Variants in EFTUD2 observed in about 807,000 individuals in gnomAD.
EFTUD2 encodes elongation factor Tu GTP binding domain containing 2, also known as 116 kDa U5 small nuclear ribonucleoprotein component.
Under a neutral mutation model 114.3 loss-of-function variants are expected in EFTUD2, and 9 were observed. The observed-to-expected ratio is 0.08, with a 90% confidence interval of 0.05 to 0.14. The LOEUF (loss-of-function observed/expected upper bound fraction) is 0.14, where lower values mean the gene tolerates loss of function less well. Among genes scored for constraint, EFTUD2 ranks in the 10% least tolerant of loss-of-function variants. The pLI is 1.00. For missense variants in EFTUD2, 765 were observed against 1,241.2 expected, an observed-to-expected ratio of 0.62 and a Z score of 5.76; for synonymous variants, 449 against 462.3, an observed-to-expected ratio of 0.97 and a Z score of 0.37.
intron 1 of EFTUD2, chr17:44,895,783 C>G (rs1162709905): frequency 1.3e-5 from 2 of 152,202 alleles, no homozygotes; most frequent in African/African-American, 4.8e-5. Context: ...CTTTACAGAT[C>G]CCATTCAAGT....
At chr17:44,898,455 G>C (rs1179047875) in intron 1 of EFTUD2, among the ~76,000 whole-genome samples, 3 of 152,122 alleles carry the variant, frequency 2.0e-5, no homozygotes, top group Non-Finnish European at 2.9e-5. Context: ...CCTGACCTCA[G>C]GTGATCCGCC....
chr17:44,854,008 T>C lies in EFTUD2; in HGVS notation c.2347+261A>G. ...AATCTCATCATCCTCTTGATATCTCTTCTCAAATACGTCCAACGCCAAACC... is the reference window on the plus strand; with the variant it reads ...AATCTCATCATCCTCTTGATATCTCCTCTCAAATACGTCCAACGCCAAACC... On this transcript the variant is annotated intron_variant, in intron 23 of 27. Coordinates refer to ENST00000426333, the MANE Select transcript of EFTUD2 (RefSeq NM_004247.4). The surrounding 1 kb of genome is among the most constrained non-coding windows in gnomAD (Gnocchi z 4.3). 1 of 1,359,386 alleles carries C rather than the reference T, an allele frequency of 7.4e-7. No individual in the cohort carries two copies. The highest frequency in any genetic ancestry group is 2.8e-5 in the East Asian group (1 of 36,202). 84.2% of individuals were successfully genotyped at this position (1,359,386 alleles called of 1,614,324 possible).
At chr17:44,880,905 AG>A (rs889942614) in intron 7 of EFTUD2, among the ~76,000 whole-genome samples, 1 of 152,258 alleles carries the variant, frequency 6.6e-6, no homozygotes. Flanking sequence ...CAGAGAATCC[AG>A]GGTCCTAGAA....
chr17:44,873,732 CT>C lies in EFTUD2; in HGVS notation c.870-1163del, dbSNP rs1307223826. On this transcript the variant is annotated intron_variant, in intron 10 of 27. Transcript: ENST00000426333. ...AAGTTCAGCTCTATCCCACTTCCTA[CT>C]TTTTTTTTTTTTTTTTGAGATGGAG... Among the ~76,000 whole-genome samples, 524 of 133,212 alleles carry C rather than the reference CT, an allele frequency of 3.9e-3. 3 individuals carry two copies. The highest frequency in any genetic ancestry group is 8.0e-3 in the African/African-American group (292 of 36,426). The allele number at this position is 133,212 out of a possible 152,430, so 87.4% of individuals were successfully genotyped here. A position where few individuals can be genotyped will look rare whatever the true frequency, so the allele number is the denominator to read the frequency against.
Position 44,875,508 on chromosome 17 carries a change from C to T in EFTUD2, c.869+426G>A, listed in dbSNP as rs188154996. On this transcript the variant is annotated intron_variant, in intron 10 of 27. Coordinates refer to ENST00000426333, the MANE Select transcript of EFTUD2 (RefSeq NM_004247.4). ...TCATGCCACTGCACTCCAGCCTGGG[C>T]GACAGAGCGAGACTCCGTCTCAAAA... 8.7e-3 allele frequency: 1,319 copies of T among 152,074 alleles called. 20 individuals carry two copies. Among genetic ancestry groups the T allele is most frequent in the African/African-American group, 0.03 (1,233 of 41,470 alleles). 9.4% of individuals were successfully genotyped at this position (152,074 alleles called of 1,614,324 possible). A position where few individuals can be genotyped will look rare whatever the true frequency, so the allele number is the denominator to read the frequency against.
At chr17:44,867,381 C>A (rs2050766524) in intron 13 of EFTUD2, among the ~76,000 whole-genome samples, 1 of 148,186 alleles carries the variant, frequency 6.7e-6, no homozygotes, top group Non-Finnish European at 1.5e-5. Flanking sequence ...CTCACTGCAA[C>A]CTCTGCCTCC....
At chr17:44,865,525 G>A (rs533888769) in intron 13 of EFTUD2, among the ~76,000 whole-genome samples, 26 of 152,254 alleles carry the variant, frequency 1.7e-4, no homozygotes, top group Non-Finnish European at 3.2e-4. Context: ...TCTCTACTGA[G>A]GCAGGCTCTA....
At chr17:44,870,815 C>G (rs561327616) in intron 11 of EFTUD2, among the ~76,000 whole-genome samples, 1 of 151,950 alleles carries the variant, frequency 6.6e-6, no homozygotes, top group African/African-American at 2.4e-5. Flanking sequence ...GTCAGGAGTT[C>G]GAGACCAGCC....
intron 20 of EFTUD2, among the ~76,000 whole-genome samples, 181 bp downstream of exon 20, chr17:44,856,894 G>T (rs1048190274): frequency 1.1e-4 from 17 of 152,166 alleles, no homozygotes; most frequent in African/African-American, 3.1e-4. Context: ...CCATGTCATT[G>T]TGTTCAAAGG....
Position 44,850,204 on chromosome 17 carries a change from G to A in EFTUD2, c.*1070C>T. 4.5e-6 allele frequency: 3 copies of A among 659,718 alleles called. No homozygotes were observed. The highest frequency in any genetic ancestry group is 5.4e-5 in the East Asian group (2 of 36,780). The allele number at this position is 659,718 out of a possible 1,614,324, so 40.9% of individuals were successfully genotyped here. A position where few individuals can be genotyped will look rare whatever the true frequency, so the allele number is the denominator to read the frequency against. ...CTTGAAGCAGCTGTTGGGACCTGGG[G>A]CAGAAAGATGAGCGGGAAGCTGGAC... On this transcript the variant is annotated 3_prime_UTR_variant, in exon 28 of 28. Transcript: ENST00000426333.
chr17:44,889,005 G>C (rs1245664926), intron 2 of EFTUD2, among the ~76,000 whole-genome samples: 1 of 152,170 alleles, frequency 6.6e-6, no homozygotes, highest in Non-Finnish European at 1.5e-5. Context: ...CTGAGGAATG[G>C]AGCCCCGGGC....
rs556142274 is a variant in EFTUD2, at chr17:44,859,912, G to C, written c.1853C>G (p.Thr618Ser). ...TGCAGGCCATGGGCATACCTTGGTG[G>C]TGAGGGATGGATAGCTCTTGTTGAC... ...RKVNKSYPSLTTKVEESGEHV... is the reference protein window; with the variant it reads ...RKVNKSYPSLSTKVEESGEHV... The change falls in exon 18 of 28, where the codon ACC (threonine) becomes AGC (serine). Residue 618 changes from threonine to serine, a missense_variant. This residue lies in a region of EFTUD2 where 149 missense variants were observed against 245.1 expected (regional missense o/e 0.61). Coordinates refer to ENST00000426333, the MANE Select transcript of EFTUD2 (RefSeq NM_004247.4). 1 of 1,614,212 alleles carries C rather than the reference G, an allele frequency of 6.2e-7. No individual in the cohort carries two copies. The highest frequency in any genetic ancestry group is 1.3e-5 in the African/African-American group (1 of 75,072).
rs199999322 is a variant in EFTUD2, at chr17:44,860,534, G to A, written c.1617C>T (p.Ile539=). The part of the protein sequence containing the change: ...RLWISVARYH[I]EVNRVPAGNW... ...TGCCAGCAGGAACACGGTTCACCTCGATGTGGTACCTGAAGCAATGTCCAA... is the reference window on the plus strand; with the variant it reads ...TGCCAGCAGGAACACGGTTCACCTCAATGTGGTACCTGAAGCAATGTCCAA... The change falls in exon 17 of 28, where the codon ATC becomes ATT. Residue 539 remains isoleucine (I), a synonymous_variant. Coordinates refer to ENST00000426333, the MANE Select transcript of EFTUD2 (RefSeq NM_004247.4). 734 of 1,610,566 alleles carry A rather than the reference G, an allele frequency of 4.6e-4. No homozygotes were observed. The highest frequency in any genetic ancestry group is 2.3e-4 in the Non-Finnish European group (276 of 1,177,278).
intron 10 of EFTUD2, among the ~76,000 whole-genome samples, chr17:44,874,430 GGGGTGAAGATATTCCTTTTGAA>G (rs1329020013): frequency 6.6e-6 from 1 of 152,166 alleles, no homozygotes; most frequent in East Asian, 1.9e-4. Context: ...TTGCAGAGAT[GGGGTGAAGATATTCCTTTTGAA>G]AAGTAGTGCT....
Position 44,894,334 on chromosome 17 carries a change from C to T in EFTUD2, c.105+83G>A, listed in dbSNP as rs2051337783. 4 of 1,183,434 alleles carry T rather than the reference C, an allele frequency of 3.4e-6. No homozygotes were observed. In the Admixed American group the frequency reaches 6.9e-5, roughly 21 times the overall value. The allele number at this position is 1,183,434 out of a possible 1,614,324, so 73.3% of individuals were successfully genotyped here. A position where few individuals can be genotyped will look rare whatever the true frequency, so the allele number is the denominator to read the frequency against. On this transcript the variant is annotated intron_variant, in intron 2 of 27. Coordinates refer to ENST00000426333, the MANE Select transcript of EFTUD2 (RefSeq NM_004247.4). ...GCAGTGAGCTGAGATTGCGCCACTGCACTCCAACCTGGCAAGAGAGTGAGA... is the reference window on the plus strand; with the variant it reads ...GCAGTGAGCTGAGATTGCGCCACTGTACTCCAACCTGGCAAGAGAGTGAGA...
In EFTUD2 at chr17:44,852,512, A is replaced by C; in HGVS notation, c.2612T>G (p.Ile871Ser). The part of the protein sequence containing the change: ...APIPGSPLYT[I>S]KAFIPAIDSF... Reference sequence around the variant, plus strand: ...GTCGATGGCCGGGATAAAAGCTTTGATGGTGTACAGAGGGGAGCCTGGGAT... The same window carrying C: ...GTCGATGGCCGGGATAAAAGCTTTGCTGGTGTACAGAGGGGAGCCTGGGAT... Residue 871 changes from isoleucine (I) to serine (S), a missense_variant, in exon 26 of 28, where the codon ATC becomes AGC. By Grantham distance (142) the Ile-to-Ser change is moderately radical. Coordinates refer to ENST00000426333, the MANE Select transcript of EFTUD2 (RefSeq NM_004247.4). 1 of 1,614,080 alleles carries C rather than the reference A, an allele frequency of 6.2e-7. No individual in the cohort carries two copies. Among genetic ancestry groups the C allele is most frequent in the East Asian group, 2.2e-5 (1 of 44,874 alleles).
intron 2 of EFTUD2, among the ~76,000 whole-genome samples, chr17:44,888,577 T>C (rs976871188): frequency 1.3e-5 from 2 of 151,936 alleles, no homozygotes; most frequent in African/African-American, 4.8e-5. Context: ...TGGCTTGGAG[T>C]AGACAGAGTG....
In EFTUD2 at chr17:44,854,530, C is replaced by T. The variant is rs1289937198; in HGVS notation, c.2259+26G>A. On this transcript the variant is annotated intron_variant, in intron 22 of 27. Transcript: ENST00000426333. This position sits in a 1 kb window ranked among gnomAD's most constrained non-coding sequence, Gnocchi z 4.3. ...CCACTCCAGAGGTAAGAGACCGCCACCCAGTTCCCATCAGTTCTGCTGTAC... is the reference window on the plus strand; with the variant it reads ...CCACTCCAGAGGTAAGAGACCGCCATCCAGTTCCCATCAGTTCTGCTGTAC... 6.2e-7 allele frequency: 1 copy of T among 1,608,538 alleles called. No individual in the cohort carries two copies. Among genetic ancestry groups the T allele is most frequent in the Non-Finnish European group, 8.5e-7 (1 of 1,176,698 alleles).
rs567315559 is a variant in EFTUD2, at chr17:44,852,959, C to T, written c.2561+337G>A. On this transcript the variant is annotated intron_variant, in intron 25 of 27. Transcript: ENST00000426333. ...GCAGTGGCGCCATCTCGGCTCACTG[C>T]AAGCTCCGCCTCCTGGGTTCACGCC... 3.9e-5 allele frequency among the ~76,000 whole-genome samples: 6 copies of T among 152,188 alleles called. No individual in the cohort carries two copies. In the South Asian group the frequency reaches 1.2e-3, roughly 32 times the overall value.
Sources: allele counts gnomAD v4.1 joint callset (sites outside exome capture counted in the v4.1 genomes callset), GRCh38; gene constraint gnomAD v4.1.1; regional missense constraint gnomAD v4.1.1; non-coding constraint Gnocchi (gnomAD v3.1); transcripts MANE v1.5; gene names NCBI Gene and HGNC (gene_info 2026-07-23, HGNC 2026-07-21).